Variants in SLC25A17 observed in about 807,000 individuals in gnomAD.
SLC25A17 encodes the protein solute carrier family 25 member 17, also known as peroxisomal membrane protein PMP34.
In SLC25A17, 26 loss-of-function variants were observed where a neutral mutation model predicts 38.5. The ratio of observed to expected loss-of-function variants is 0.68; its 90% confidence interval spans 0.50 to 0.94. The LOEUF is 0.94. Ranked by LOEUF, SLC25A17 falls within the 40% of genes least tolerant of loss-of-function variation. The pLI, the probability that SLC25A17 is intolerant of heterozygous loss-of-function variation, is 0.00. For missense variants in SLC25A17, 333 were observed against 372.7 expected, an observed-to-expected ratio of 0.89 and a Z score of 0.88; for synonymous variants, 139 against 136.2, an observed-to-expected ratio of 1.02 and a Z score of -0.14.
chr22:40,776,991 T>C (rs770894453), intron 7 of SLC25A17, 49 bp downstream of exon 7: 25 of 1,427,520 alleles, frequency 1.8e-5, no homozygotes, highest in Non-Finnish European at 2.5e-5. Context: ...AGAGACTACA[T>C]GTATTCGAAT....
intron 1 of SLC25A17, among the ~76,000 whole-genome samples, chr22:40,814,137 T>C (rs74770429): frequency 0.011 from 1,686 of 152,298 alleles, 10 homozygotes; most frequent in Non-Finnish European, 0.018. Flanking sequence ...TTTTTCCAGA[T>C]AAAGACACAA....
intron 1 of SLC25A17, among the ~76,000 whole-genome samples, chr22:40,809,426 G>A (rs1432104302): frequency 6.6e-6 from 1 of 150,834 alleles, no homozygotes; most frequent in Non-Finnish European, 1.5e-5. Context: ...ACCAGCCTGA[G>A]CAACATGGTG....
At chr22:40,777,188 C>T (rs1255338285) in intron 6 of SLC25A17, 40 bp downstream of exon 6, 1 of 1,613,416 alleles carries the variant, frequency 6.2e-7, no homozygotes, top group Non-Finnish European at 8.5e-7. Context: ...AAGAAGGTGT[C>T]AGACAGAATT....
intron 4 of SLC25A17, among the ~76,000 whole-genome samples, chr22:40,790,340 C>CAAAAAAA (rs138301): frequency 6.5e-5 from 4 of 61,208 alleles, no homozygotes; most frequent in African/African-American, 6.7e-5. Flanking sequence ...GACACAATCT[C>CAAAAAAA]AAAAAAAAAA....
intron 1 of SLC25A17, among the ~76,000 whole-genome samples, chr22:40,815,121 GA>G (rs2057626280): frequency 1.3e-5 from 2 of 152,030 alleles, no homozygotes; most frequent in East Asian, 3.9e-4. Context: ...ACCCGGCCCA[GA>G]ATATTCTTTA....
intron 7 of SLC25A17, among the ~76,000 whole-genome samples, chr22:40,774,525 A>G (rs1569398244): frequency 6.6e-6 from 1 of 152,186 alleles, no homozygotes; most frequent in African/African-American, 2.4e-5. Context: ...TGTCCGGCCT[A>G]AGAAAAATTT....
intron 1 of SLC25A17, among the ~76,000 whole-genome samples, chr22:40,814,326 AC>A (rs979057872): frequency 6.6e-6 from 1 of 152,214 alleles, no homozygotes; most frequent in Admixed American, 6.5e-5. Flanking sequence ...TACAAGACCA[AC>A]ACACTGCCAT....
At chr22:40,791,937 AT>A (rs1421773261) in intron 4 of SLC25A17, among the ~76,000 whole-genome samples, 3 of 152,226 alleles carry the variant, frequency 2.0e-5, no homozygotes, top group African/African-American at 7.2e-5. Flanking sequence ...CTACACATCC[AT>A]TTTCATAGCA....
intron 1 of SLC25A17, chr22:40,813,877 T>TATTA (rs1298778264): frequency 6.6e-6 from 1 of 152,488 alleles, no homozygotes; most frequent in Non-Finnish European, 1.5e-5. Context: ...AAAGGAGTAA[T>TATTA]GTCTTCTCAA....
At chr22:40,790,664 G>C (rs2057377919) in intron 4 of SLC25A17, among the ~76,000 whole-genome samples, 1 of 152,184 alleles carries the variant, frequency 6.6e-6, no homozygotes, top group South Asian at 2.1e-4. Context: ...TATATATCTG[G>C]TGGGTAATGG....
In SLC25A17 at chr22:40,789,744, G is replaced by A. The variant is rs1358264618; in HGVS notation, c.334+2781C>T. Among the ~76,000 whole-genome samples, 1 of 151,842 alleles carries A rather than the reference G, an allele frequency of 6.6e-6. No homozygotes were observed. Among genetic ancestry groups the A allele is most frequent in the Non-Finnish European group, 1.5e-5 (1 of 67,970 alleles). ...GCTGTTCTCGAACTCCTGACCTCAG[G>A]TGATACACCCGCCTCAGCCTCTCAA... is the stretch of plus-strand genomic sequence containing the variant. On this transcript the variant is annotated intron_variant, in intron 4 of 8. Coordinates refer to ENST00000435456, the MANE Select transcript of SLC25A17 (RefSeq NM_006358.4). This position sits in a 1 kb window ranked among gnomAD's most constrained non-coding sequence, Gnocchi z 4.5.
At chr22:40,782,040 C>T (rs1229010797) in intron 4 of SLC25A17, among the ~76,000 whole-genome samples, 17 of 151,976 alleles carry the variant, frequency 1.1e-4, no homozygotes, top group African/African-American at 3.6e-4. Flanking sequence ...GCCAACACGG[C>T]GAAACCCTGT....
intron 2 of SLC25A17, 46 bp from the exon 3 acceptor site, chr22:40,794,626 A>G (rs779487784): frequency 7.2e-7 from 1 of 1,384,566 alleles, no homozygotes; most frequent in Admixed American, 2.1e-5. Context: ...TTAAAAAAAA[A>G]ATTTTTTTTT....
chr22:40,794,908 C>T (rs933595387), intron 2 of SLC25A17, among the ~76,000 whole-genome samples: 2 of 152,084 alleles, frequency 1.3e-5, no homozygotes, highest in South Asian at 2.1e-4. Flanking sequence ...CATGAGCCAC[C>T]GTGCCCCGCC....
intron 1 of SLC25A17, among the ~76,000 whole-genome samples, chr22:40,808,537 C>G (rs1362753536): frequency 6.6e-6 from 1 of 152,194 alleles, no homozygotes; most frequent in African/African-American, 2.4e-5. Flanking sequence ...GTACACAACA[C>G]ACACACATAA....
intron 4 of SLC25A17, among the ~76,000 whole-genome samples, chr22:40,788,386 T>C (rs1193250885): frequency 1.3e-5 from 2 of 152,178 alleles, no homozygotes; most frequent in African/African-American, 4.8e-5. Flanking sequence ...ATAACCAAGA[T>C]GAGGCTGGAC....
At chr22:40,780,903 C>CTCA (rs2057287688) in intron 4 of SLC25A17, among the ~76,000 whole-genome samples, 2 of 152,172 alleles carry the variant, frequency 1.3e-5, no homozygotes, top group South Asian at 4.1e-4. Context: ...AGTGTGGTGG[C>CTCA]TCATGCCTGT....
intron 4 of SLC25A17, among the ~76,000 whole-genome samples, chr22:40,790,575 A>G (rs2057377143): frequency 6.6e-6 from 1 of 152,280 alleles, no homozygotes; most frequent in South Asian, 2.1e-4. Context: ...TGTGTTAGGT[A>G]TGGGGGAGTC....
chr22:40,812,562 T>C (rs1423466360), intron 1 of SLC25A17, among the ~76,000 whole-genome samples: 1 of 152,214 alleles, frequency 6.6e-6, no homozygotes, highest in Non-Finnish European at 1.5e-5. Flanking sequence ...TGATTCATCC[T>C]AGCAGGGTGA....
Sources: allele counts gnomAD v4.1 joint callset (sites outside exome capture counted in the v4.1 genomes callset), GRCh38; gene constraint gnomAD v4.1.1; non-coding constraint Gnocchi (gnomAD v3.1); transcripts MANE v1.5; gene names NCBI Gene and HGNC (gene_info 2026-07-23, HGNC 2026-07-21).